The following ZFYVE28 variants were observed in gnomAD, a reference collection of about 807,000 sequenced individuals.
ZFYVE28 encodes lateral signaling target protein 2 homolog.
In ZFYVE28, 40 loss-of-function variants were observed where a neutral mutation model predicts 82.1. That is an observed-to-expected ratio of 0.49 (90% CI 0.38 to 0.63). The LOEUF is 0.63. Among genes scored for constraint, ZFYVE28 ranks in the 30% least tolerant of loss-of-function variants. ZFYVE28 has a pLI of 0.00. For missense variants in ZFYVE28, 1,321 were observed against 1,242.1 expected (o/e 1.06, Z -0.96); for synonymous variants, 612 against 546.1 (o/e 1.12, Z -1.68).
intron 2 of ZFYVE28, chr4:2,343,170 G>A (rs1438872033): frequency 3.3e-5 from 5 of 152,104 alleles, no homozygotes; most frequent in South Asian, 4.2e-4. Context: ...ACGATGCTCC[G>A]AGTGTGGATT....
At chr4:2,297,417 G>A (rs1286033011) in intron 8 of ZFYVE28, among the ~76,000 whole-genome samples, 1 of 152,236 alleles carries the variant, frequency 6.6e-6, no homozygotes, top group Non-Finnish European at 1.5e-5. Flanking sequence ...AATGACCCCA[G>A]GCCACACGGA....
chr4:2,270,959 G>C, intron 12 of ZFYVE28, 103 bp from the exon 13 acceptor site: 1 of 1,498,724 alleles, frequency 6.7e-7, no homozygotes, highest in African/African-American at 1.4e-5. Flanking sequence ...GGCCGCATTG[G>C]TGGGTGGGGA....
At chr4:2,274,385 C>G (rs923383935) in intron 8 of ZFYVE28, among the ~76,000 whole-genome samples, 169 bp from the exon 9 acceptor site, 1 of 152,156 alleles carries the variant, frequency 6.6e-6, no homozygotes, top group South Asian at 2.1e-4. Flanking sequence ...CTAAAATGTC[C>G]TCAGTGTAAC....
chr4:2,279,532 C>G (rs974698632), intron 8 of ZFYVE28, among the ~76,000 whole-genome samples: 5 of 152,202 alleles, frequency 3.3e-5, no homozygotes, highest in Non-Finnish European at 5.9e-5. Context: ...GTAATCCCAG[C>G]ACTTTGGGAG....
rs1252099201 is a variant in ZFYVE28 at position 2,270,289 on chromosome 4, C to G, written c.*436G>C. 5.0e-6 allele frequency: 1 copy of G among 199,466 alleles called. No homozygotes were observed. The highest frequency in any genetic ancestry group is 2.3e-5 in the African/African-American group (1 of 42,594). 12.4% of individuals were successfully genotyped at this position (199,466 alleles called of 1,614,324 possible). A position where few individuals can be genotyped will look rare whatever the true frequency, so the allele number is the denominator to read the frequency against. ...ACGTTTGGGAGGCACATAGGGAGCC[C>G]TGCTGTGCCAAAGAGCCTGTGGAGT... On this transcript the variant is annotated 3_prime_UTR_variant, in exon 13 of 13. Coordinates refer to ENST00000290974, the MANE Select transcript of ZFYVE28 (RefSeq NM_020972.3).
chr4:2,414,252 T>A (rs946539351), intron 1 of ZFYVE28, among the ~76,000 whole-genome samples: 1 of 152,254 alleles, frequency 6.6e-6, no homozygotes, highest in African/African-American at 2.4e-5. Context: ...TACTCAGTAC[T>A]GCTCAGTCCT....
intron 8 of ZFYVE28, among the ~76,000 whole-genome samples, chr4:2,275,154 G>A (rs996841015): frequency 2.6e-5 from 4 of 152,134 alleles, no homozygotes; most frequent in Non-Finnish European, 4.4e-5. Flanking sequence ...GGCTCTGTCC[G>A]TGGATGCCCT....
At chr4:2,302,064 G>A (rs991532616) in intron 8 of ZFYVE28, among the ~76,000 whole-genome samples, 6 of 152,222 alleles carry the variant, frequency 3.9e-5, no homozygotes, top group African/African-American at 7.2e-5. Flanking sequence ...GCACTGGAGC[G>A]GCTCGGGCAG....
At chr4:2,298,312 G>A (rs1402004062) in intron 8 of ZFYVE28, among the ~76,000 whole-genome samples, 1 of 152,148 alleles carries the variant, frequency 6.6e-6, no homozygotes, top group Non-Finnish European at 1.5e-5. Flanking sequence ...CGTGAGGAGT[G>A]CATCCTGCCA....
chr4:2,356,654 G>C (rs912002155), intron 1 of ZFYVE28, among the ~76,000 whole-genome samples: 1 of 152,326 alleles, frequency 6.6e-6, no homozygotes, highest in East Asian at 1.9e-4. Flanking sequence ...CGACCCCTCC[G>C]TGATGAAATG....
intron 2 of ZFYVE28, among the ~76,000 whole-genome samples, chr4:2,346,093 C>T (rs1723503559): frequency 6.6e-6 from 1 of 150,960 alleles, no homozygotes; most frequent in Admixed American, 6.6e-5. Flanking sequence ...CTTTGGGAGG[C>T]CAGGGCGGGT....
At chr4:2,415,420 C>T (rs981031915) in intron 1 of ZFYVE28, among the ~76,000 whole-genome samples, 5 of 149,626 alleles carry the variant, frequency 3.3e-5, no homozygotes, top group Non-Finnish European at 7.4e-5. Flanking sequence ...AATTTGAGTC[C>T]AGCCGGGGCA....
At chr4:2,330,648 T>C (rs1720533294) in intron 6 of ZFYVE28, 2 of 1,376,640 alleles carry the variant, frequency 1.5e-6, no homozygotes, top group Non-Finnish European at 1.9e-6. Context: ...GACAGTGTAG[T>C]GGAGGGGCCA....
intron 7 of ZFYVE28, among the ~76,000 whole-genome samples, chr4:2,317,739 T>TC (rs1251012057): frequency 6.6e-6 from 1 of 152,030 alleles, no homozygotes; most frequent in Non-Finnish European, 1.5e-5. Flanking sequence ...TTCAAATGAT[T>TC]CTCCTGATTC....
At chr4:2,371,769 G>T (rs1402442036) in intron 1 of ZFYVE28, among the ~76,000 whole-genome samples, 1 of 152,254 alleles carries the variant, frequency 6.6e-6, no homozygotes. Flanking sequence ...AACTGGAAAA[G>T]ACACAGTCTG....
At chr4:2,312,795 G>A (rs1291711636) in intron 7 of ZFYVE28, among the ~76,000 whole-genome samples, 3 of 142,684 alleles carry the variant, frequency 2.1e-5, no homozygotes, top group Non-Finnish European at 4.6e-5. Flanking sequence ...CTATAATCCC[G>A]GCACTTTGGG....
At chr4:2,299,746 G>GAA (rs58533488) in intron 8 of ZFYVE28, among the ~76,000 whole-genome samples, 10 of 141,370 alleles carry the variant, frequency 7.1e-5, no homozygotes, top group Middle Eastern at 3.6e-3. Flanking sequence ...ATGTTCAGTG[G>GAA]AAAAAAAAAT....
chr4:2,385,848 A>T (rs1406439838), intron 1 of ZFYVE28, among the ~76,000 whole-genome samples: 1 of 152,192 alleles, frequency 6.6e-6, no homozygotes, highest in African/African-American at 2.4e-5. Context: ...GCGCCCTCAC[A>T]GGGGACCCAT....
rs1274791454 is a variant in ZFYVE28 at position 2,270,096 on chromosome 4, C to T, written c.*629G>A. On this transcript the variant is annotated 3_prime_UTR_variant, in exon 13 of 13. Coordinates refer to ENST00000290974, the MANE Select transcript of ZFYVE28 (RefSeq NM_020972.3). ...GTGGTGGGCAGACACCAGGAGCACC[C>T]TGCCTGCCTAGAGGACCACTGGGTC... is the stretch of plus-strand genomic sequence containing the variant. The T allele has an allele frequency of 6.5e-6, 1 of 153,284 alleles. No individual in the cohort carries two copies. The highest frequency in any genetic ancestry group is 1.5e-5 in the Non-Finnish European group (1 of 68,792). 9.5% of individuals were successfully genotyped at this position (153,284 alleles called of 1,614,324 possible). A position where few individuals can be genotyped will look rare whatever the true frequency, so the allele number is the denominator to read the frequency against.
Sources: allele counts gnomAD v4.1 joint callset (sites outside exome capture counted in the v4.1 genomes callset), GRCh38; gene constraint gnomAD v4.1.1; transcripts MANE v1.5; gene names NCBI Gene and HGNC (gene_info 2026-07-23, HGNC 2026-07-21).